Variants in MAP2K5 observed in about 807,000 individuals in gnomAD.
MAP2K5 encodes the protein mitogen-activated protein kinase kinase 5, also known as dual specificity mitogen-activated protein kinase kinase 5.
In MAP2K5, 49 loss-of-function variants were observed where a neutral mutation model predicts 83.1. The observed-to-expected ratio is 0.59, with a 90% confidence interval of 0.47 to 0.75. The LOEUF is 0.75. Among genes scored for constraint, MAP2K5 ranks in the 30% least tolerant of loss-of-function variants. MAP2K5 has a pLI of 0.00. For missense variants in MAP2K5, 457 were observed against 557.5 expected (o/e 0.82, Z 1.82); for synonymous variants, 202 against 191.8 (o/e 1.05, Z -0.44).
At chr15:67,608,444 TTG>T (rs2085830424) in intron 8 of MAP2K5, among the ~76,000 whole-genome samples, 1 of 152,166 alleles carries the variant, frequency 6.6e-6, no homozygotes, top group South Asian at 2.1e-4. Context: ...CTCATAAAAC[TTG>T]TGTCTGGATA....
intron 2 of MAP2K5, among the ~76,000 whole-genome samples, chr15:67,558,182 A>G (rs936670482): frequency 1.3e-5 from 2 of 152,206 alleles, no homozygotes; most frequent in Non-Finnish European, 2.9e-5. Context: ...AGGTCAGTGG[A>G]CAGTGCAGCT....
At chr15:67,766,601 G>A (rs149405705) in intron 19 of MAP2K5, among the ~76,000 whole-genome samples, 872 of 152,248 alleles carry the variant, frequency 5.7e-3, no homozygotes, top group Middle Eastern at 0.034. Context: ...AAACTGGAGC[G>A]CAAATTTACT....
intron 8 of MAP2K5, among the ~76,000 whole-genome samples, chr15:67,610,645 G>A (rs1313258741): frequency 1.3e-5 from 2 of 151,978 alleles, no homozygotes; most frequent in Non-Finnish European, 2.9e-5. Flanking sequence ...TTACTTTGAT[G>A]TAGGGGACCA....
At chr15:67,613,305 T>C (rs909422712) in intron 8 of MAP2K5, among the ~76,000 whole-genome samples, 1 of 152,224 alleles carries the variant, frequency 6.6e-6, no homozygotes, top group Non-Finnish European at 1.5e-5. Flanking sequence ...TAGCTATTCC[T>C]AAGACAATTC....
intron 8 of MAP2K5, among the ~76,000 whole-genome samples, chr15:67,620,905 C>T (rs924571234): frequency 2.0e-5 from 3 of 151,768 alleles, no homozygotes; most frequent in South Asian, 2.1e-4. Flanking sequence ...GAAGAGAAGT[C>T]GATAGGTGTA....
At chr15:67,584,844 C>G (rs1423095069) in intron 4 of MAP2K5, among the ~76,000 whole-genome samples, 1 of 151,298 alleles carries the variant, frequency 6.6e-6, no homozygotes, top group Admixed American at 6.6e-5. Context: ...CTACAGGCGC[C>G]CGCCACCATG....
chr15:67,656,041 C>G (rs1219436241), intron 11 of MAP2K5, among the ~76,000 whole-genome samples: 1 of 152,052 alleles, frequency 6.6e-6, no homozygotes, highest in Non-Finnish European at 1.5e-5. Flanking sequence ...TTATACTTTT[C>G]AACTTCAGAA....
intron 7 of MAP2K5, among the ~76,000 whole-genome samples, chr15:67,599,917 A>C (rs1028165149): frequency 6.6e-6 from 1 of 152,196 alleles, no homozygotes; most frequent in Non-Finnish European, 1.5e-5. Flanking sequence ...TTTTATGGGC[A>C]CCTACTATTC....
chr15:67,676,226 G>A lies in MAP2K5; in HGVS notation c.847+11581G>A, dbSNP rs1030412695. On this transcript the variant is annotated intron_variant, in intron 13 of 21. Transcript: ENST00000178640. This position sits in a 1 kb window ranked among gnomAD's most constrained non-coding sequence, Gnocchi z 4.8. ...TTTAGGAGCTTATCAGAGGGAGAGA[G>A]AGAGCACCTGTATGATGAATGACAG... Among the ~76,000 whole-genome samples, 2 of 152,200 alleles carry A rather than the reference G, an allele frequency of 1.3e-5. No homozygotes were observed. Among genetic ancestry groups the A allele is most frequent in the Non-Finnish European group, 2.9e-5 (2 of 68,038 alleles).
chr15:67,664,762 C>A, intron 13 of MAP2K5, 117 bp downstream of exon 13: 1 of 600,300 alleles, frequency 1.7e-6, no homozygotes, highest in South Asian at 2.5e-5. Flanking sequence ...ATCTGGTACT[C>A]AAAAAGATGG....
chr15:67,603,015 G>A (rs1314214613), intron 8 of MAP2K5, among the ~76,000 whole-genome samples: 1 of 152,108 alleles, frequency 6.6e-6, no homozygotes, highest in African/African-American at 2.4e-5. Flanking sequence ...TCCCCCAAGG[G>A]AAAATTACAA....
At chr15:67,553,903 G>A (rs2084566285) in intron 2 of MAP2K5, among the ~76,000 whole-genome samples, 1 of 103,852 alleles carries the variant, frequency 9.6e-6, no homozygotes, top group Non-Finnish European at 1.7e-5. Context: ...CTGGGCGACA[G>A]AGCGAGACTC....
Position 67,564,329 on chromosome 15 carries a change from A to C in MAP2K5, c.252+979A>C, listed in dbSNP as rs969683549. On this transcript the variant is annotated intron_variant, in intron 3 of 21. Transcript: ENST00000178640. Reference sequence around the variant, plus strand: ...AAAGTTAAAAGTTCTATACAAATGCAAATGATGGAATCATTTGGAATCATG... The same window carrying C: ...AAAGTTAAAAGTTCTATACAAATGCCAATGATGGAATCATTTGGAATCATG... Among the ~76,000 whole-genome samples the C allele has an allele frequency of 2.6e-5, 4 of 152,124 alleles. No individual in the cohort carries two copies. In the East Asian group the frequency reaches 7.7e-4, roughly 29 times the overall value.
Position 67,795,470 on chromosome 15 carries a change from G to A in MAP2K5, c.1243-11176G>A, listed in dbSNP as rs1159104494. ...TCTAAGTAATTTTCAATTTCAATTA[G>A]GACTTTTTTACACCAAATTATTTAG... On this transcript the variant is annotated intron_variant, in intron 21 of 21. Transcript: ENST00000178640. Among the ~76,000 whole-genome samples the A allele has an allele frequency of 2.0e-5, 3 of 152,188 alleles. No homozygotes were observed. In the East Asian group the frequency reaches 5.8e-4, roughly 29 times the overall value.
intron 13 of MAP2K5, among the ~76,000 whole-genome samples, chr15:67,670,715 C>G (rs1373889953): frequency 1.3e-4 from 19 of 151,398 alleles, no homozygotes. Flanking sequence ...GCCAGCCAAC[C>G]CCCCCACCCC....
In MAP2K5 at chr15:67,769,552, A is replaced by C; in HGVS notation, c.1135-50A>C. ...ATGGGTGGGTGGGGAATATAAAGAA[A>C]GAGAAGGAACTGTTGTGACTTTTGG... On this transcript the variant is annotated intron_variant, in intron 19 of 21. Transcript: ENST00000178640. This position sits in a 1 kb window ranked among gnomAD's most constrained non-coding sequence, Gnocchi z 5.2. The C allele has an allele frequency of 1.2e-5, 18 of 1,550,414 alleles. No individual in the cohort carries two copies. The highest frequency in any genetic ancestry group is 1.7e-4 in the Middle Eastern group (1 of 5,942).
chr15:67,563,741 C>A lies in MAP2K5; in HGVS notation c.252+391C>A, dbSNP rs2084785204. Among the ~76,000 whole-genome samples the A allele has an allele frequency of 6.6e-6, 1 of 151,986 alleles. No individual in the cohort carries two copies. The highest frequency in any genetic ancestry group is 1.5e-5 in the Non-Finnish European group (1 of 68,002). ...TCTCACCCTTCCAGACTATAGTTTACAATGTAGCTGCAGGCTTAATATGGA... is the reference window on the plus strand; with the variant it reads ...TCTCACCCTTCCAGACTATAGTTTAAAATGTAGCTGCAGGCTTAATATGGA... On this transcript the variant is annotated intron_variant, in intron 3 of 21. Coordinates refer to ENST00000178640, the MANE Select transcript of MAP2K5 (RefSeq NM_145160.3). The surrounding 1 kb of genome is among the most constrained non-coding windows in gnomAD (Gnocchi z 4.5).
chr15:67,620,943 A>C (rs889404699), intron 8 of MAP2K5, among the ~76,000 whole-genome samples: 4 of 152,260 alleles, frequency 2.6e-5, no homozygotes, highest in Admixed American at 1.3e-4. Flanking sequence ...GGTAGAAATA[A>C]ATCCAAATAT....
Position 67,572,096 on chromosome 15 carries a change from A to G in MAP2K5, c.253-8658A>G, listed in dbSNP as rs1221897256. Among the ~76,000 whole-genome samples, 5 of 152,208 alleles carry G rather than the reference A, an allele frequency of 3.3e-5. No homozygotes were observed. The highest frequency in any genetic ancestry group is 1.3e-4 in the Admixed American group (2 of 15,282). On this transcript the variant is annotated intron_variant, in intron 3 of 21. Coordinates refer to ENST00000178640, the MANE Select transcript of MAP2K5 (RefSeq NM_145160.3). This position sits in a 1 kb window ranked among gnomAD's most constrained non-coding sequence, Gnocchi z 4.2. ...GTGTCTAATCTAGCTTTGGGGACCA[A>G]AAAGGCTTCCTGAAGAGGGCAGTGT...
Sources: allele counts gnomAD v4.1 joint callset (sites outside exome capture counted in the v4.1 genomes callset), GRCh38; gene constraint gnomAD v4.1.1; non-coding constraint Gnocchi (gnomAD v3.1); transcripts MANE v1.5; gene names NCBI Gene and HGNC (gene_info 2026-07-23, HGNC 2026-07-21).